PTPRQ: variants seen among roughly 807,000 people sequenced by gnomAD.
The protein encoded by PTPRQ is phosphatidylinositol phosphatase PTPRQ.
PTPRQ carries 199 observed loss-of-function variants against 246.0 expected under a neutral mutation model. The observed-to-expected ratio is 0.81, with a 90% confidence interval of 0.72 to 0.91. PTPRQ has a LOEUF of 0.91. PTPRQ is among the 40% of genes least tolerant of loss of function. The probability of loss-of-function intolerance (pLI) is 0.00; values close to 1 mark genes in which losing one functional copy is unlikely to be tolerated. For synonymous variants in PTPRQ, 869 were observed against 853.2 expected (o/e 1.02, Z -0.32); for missense variants, 2,624 against 2,528.4 (o/e 1.04, Z -0.81).
intron 25 of PTPRQ, among the ~76,000 whole-genome samples, chr12:80,563,237 A>T (rs1348240655): frequency 6.6e-6 from 1 of 152,118 alleles, no homozygotes; most frequent in Non-Finnish European, 1.5e-5. Context: ...GCACCAGCAG[A>T]TTCAGTGCTT....
Position 80,588,288 on chromosome 12 carries a change from G to A in PTPRQ, c.4445G>A (p.Cys1482Tyr), listed in dbSNP as rs1256607973. 1 of 1,551,548 alleles carries A rather than the reference G, an allele frequency of 6.4e-7. No homozygotes were observed. ...TGCAAAGAATGGGAATCCGAAGAAT[G>A]TGTTGAATATCAAAAAATTCAATAC... ...QKCKEWESEECVEYQKIQYLY... is the reference protein window; with the variant it reads ...QKCKEWESEEYVEYQKIQYLY... Residue 1482 changes from cysteine (C) to tyrosine (Y), a missense_variant, in exon 26 of 45, where the codon TGT (cysteine) becomes TAT (tyrosine). Coordinates refer to ENST00000644991, the MANE Select transcript of PTPRQ (RefSeq NM_001145026.2).
intron 33 of PTPRQ, among the ~76,000 whole-genome samples, chr12:80,627,495 T>C (rs527894159): frequency 4.7e-4 from 72 of 151,816 alleles, no homozygotes; most frequent in African/African-American, 1.6e-3. Context: ...AGCCAGGCAT[T>C]GTACTATGAG....
rs573469126 is a variant in PTPRQ at position 80,667,120 on chromosome 12, A to G, written c.6193-1887A>G. 3.3e-5 allele frequency among the ~76,000 whole-genome samples: 5 copies of G among 152,042 alleles called. No individual in the cohort carries two copies. In the East Asian group the frequency reaches 5.8e-4, roughly 18 times the overall value. On this transcript the variant is annotated intron_variant, in intron 39 of 44. Transcript: ENST00000644991. Reference sequence around the variant, plus strand: ...ATACTCCCTGCTTTTTCTAGCCATTATCTGTTACTCTTCCCCCTCATTTAC... The same window carrying G: ...ATACTCCCTGCTTTTTCTAGCCATTGTCTGTTACTCTTCCCCCTCATTTAC...
intron 25 of PTPRQ, among the ~76,000 whole-genome samples, chr12:80,558,219 G>A (rs71463879): frequency 0.02 from 2,764 of 141,336 alleles, 69 homozygotes; most frequent in African/African-American, 0.055. Flanking sequence ...CCAGTCTGGA[G>A]TGCAGTGGTG....
At chr12:80,655,050 T>C (rs915701304) in intron 38 of PTPRQ, among the ~76,000 whole-genome samples, 2 of 152,136 alleles carry the variant, frequency 1.3e-5, no homozygotes, top group Admixed American at 1.3e-4. Context: ...TGGGTTCCCT[T>C]TAAGACTGTA....
At position 80,484,533 on chromosome 12, in the gene PTPRQ, A is replaced by G; in HGVS notation, c.1287A>G (p.Gln429=). ...GACAACCAAATGGAATTATTAACCA[A>G]TACCGAGTGAAAGTGCTAGTTCCAG... The part of the protein sequence containing the change: ...KPRQPNGIIN[Q]YRVKVLVPET... The change falls in exon 9 of 45, where the codon CAA becomes CAG. Residue 429 remains glutamine, a synonymous_variant. Transcript: ENST00000644991. The G allele has an allele frequency of 1.3e-6, 2 of 1,551,346 alleles. No homozygotes were observed. The highest frequency in any genetic ancestry group is 2.0e-5 in the Admixed American group (1 of 50,968).
At chr12:80,572,902 G>A (rs1897184290) in intron 25 of PTPRQ, among the ~76,000 whole-genome samples, 1 of 152,082 alleles carries the variant, frequency 6.6e-6, no homozygotes, top group South Asian at 2.1e-4. Context: ...ATTTGATTTA[G>A]TAACATTTTG....
chr12:80,647,582 T>A (rs1469294808), intron 35 of PTPRQ, among the ~76,000 whole-genome samples: 1 of 152,318 alleles, frequency 6.6e-6, no homozygotes, highest in East Asian at 1.9e-4. Flanking sequence ...CCACTGCAAC[T>A]GTTACTATGT....
chr12:80,585,883 C>A (rs1256756829), intron 25 of PTPRQ, among the ~76,000 whole-genome samples: 1 of 111,328 alleles, frequency 9.0e-6, no homozygotes, highest in African/African-American at 3.4e-5. Context: ...TCCCTCCCCC[C>A]TCCCCCCACC....
chr12:80,524,007 T>C (rs1168257793), intron 17 of PTPRQ, among the ~76,000 whole-genome samples: 1 of 152,168 alleles, frequency 6.6e-6, no homozygotes, highest in Admixed American at 6.5e-5. Context: ...CTAAGTCTCT[T>C]TCTAGGTCTC....
At chr12:80,487,557 T>C (rs949627401) in intron 9 of PTPRQ, among the ~76,000 whole-genome samples, 9 of 152,096 alleles carry the variant, frequency 5.9e-5, no homozygotes, top group African/African-American at 2.2e-4. Context: ...TTGATATATG[T>C]CTGATGTTTG....
chr12:80,655,975 ACCT>A (rs1240249285), intron 38 of PTPRQ, among the ~76,000 whole-genome samples: 1 of 152,170 alleles, frequency 6.6e-6, no homozygotes, highest in Admixed American at 6.5e-5. Flanking sequence ...TTGACAGACG[ACCT>A]ATGACCTTCA....
intron 40 of PTPRQ, 25 bp downstream of exon 40, chr12:80,669,166 A>G: frequency 1.9e-6 from 3 of 1,541,036 alleles, no homozygotes; most frequent in Non-Finnish European, 2.6e-6. Context: ...AATGTTTTAC[A>G]AATGTTGTTT....
At chr12:80,491,267 A>G (rs1894441813) in intron 9 of PTPRQ, among the ~76,000 whole-genome samples, 1 of 151,942 alleles carries the variant, frequency 6.6e-6, no homozygotes, top group South Asian at 2.1e-4. Flanking sequence ...ACTATAGTTC[A>G]TTCTATAGTG....
chr12:80,473,495 A>G (rs138950529), intron 8 of PTPRQ, among the ~76,000 whole-genome samples: 1 of 152,330 alleles, frequency 6.6e-6, no homozygotes, highest in East Asian at 1.9e-4. Context: ...AACCAACTCA[A>G]TGTACCTATT....
intron 26 of PTPRQ, among the ~76,000 whole-genome samples, chr12:80,598,177 A>G (rs12321407): frequency 0.038 from 5,768 of 152,058 alleles, 341 homozygotes; most frequent in African/African-American, 0.12. Flanking sequence ...TCTTAGGCTT[A>G]CTGTATTTGT....
intron 35 of PTPRQ, among the ~76,000 whole-genome samples, chr12:80,647,307 C>T (rs1272487906): frequency 6.6e-6 from 1 of 152,030 alleles, no homozygotes; most frequent in East Asian, 1.9e-4. Flanking sequence ...TTTCTATGTC[C>T]ATGTGGTAGC....
intron 26 of PTPRQ, among the ~76,000 whole-genome samples, 186 bp from the exon 27 acceptor site, chr12:80,604,873 G>A (rs1898258225): frequency 6.6e-6 from 1 of 151,382 alleles, no homozygotes; most frequent in Non-Finnish European, 1.5e-5. Flanking sequence ...TTCATCTAGA[G>A]TAACTAATTT....
chr12:80,523,773 C>T (rs545273861), intron 17 of PTPRQ, among the ~76,000 whole-genome samples: 1 of 152,248 alleles, frequency 6.6e-6, no homozygotes, highest in South Asian at 2.1e-4. Context: ...CTGAGGAGTG[C>T]TTTACTTCCA....
Sources: gnomAD v4.1 joint callset for allele counts (sites outside exome capture counted in the v4.1 genomes callset) on GRCh38, gnomAD v4.1.1 for gene constraint, MANE v1.5 for transcripts, NCBI Gene and HGNC (gene_info 2026-07-23, HGNC 2026-07-21) for gene names.